Variants in SDK2 observed in about 807,000 individuals in gnomAD.
The protein encoded by SDK2 is sidekick cell adhesion molecule 2, also known as protein sidekick-2.
SDK2 carries 105 observed loss-of-function variants against 253.9 expected under a neutral mutation model. The observed-to-expected ratio is 0.41, with a 90% CI of 0.35 to 0.49. The LOEUF (loss-of-function observed/expected upper bound fraction) is 0.49. Ranked by LOEUF, SDK2 falls within the 20% of genes least tolerant of loss-of-function variation. SDK2 has a pLI of 0.06. For synonymous variants in SDK2, 1,249 were observed against 1,234.9 expected, an observed-to-expected ratio of 1.01 and a Z score of -0.24; for missense variants, 2,608 against 3,003.0, an observed-to-expected ratio of 0.87 and a Z score of 3.07.
intron 2 of SDK2, among the ~76,000 whole-genome samples, chr17:73,501,577 T>G (rs1480348956): frequency 6.6e-6 from 1 of 152,180 alleles, no homozygotes; most frequent in Non-Finnish European, 1.5e-5. Context: ...CAAGGCTGGT[T>G]TCGAAATGGA....
intron 1 of SDK2, among the ~76,000 whole-genome samples, chr17:73,636,814 T>TG (rs1237954475): frequency 6.6e-5 from 10 of 151,942 alleles, no homozygotes; most frequent in Admixed American, 5.9e-4. Context: ...TAAGGCCATT[T>TG]GGAGGGGCAA....
At chr17:73,357,086 T>C (rs1188662835) in intron 40 of SDK2, among the ~76,000 whole-genome samples, 1 of 152,166 alleles carries the variant, frequency 6.6e-6, no homozygotes, top group African/African-American at 2.4e-5. Context: ...CCCGCATGCA[T>C]CCTCCGGCCA....
rs139533233 is a variant in SDK2, at chr17:73,610,578, T to C, written c.64+33447A>G. Among the ~76,000 whole-genome samples, 716 of 152,242 alleles carry C rather than the reference T, an allele frequency of 4.7e-3. 17 individuals carry two copies. Among genetic ancestry groups the C allele is most frequent in the East Asian group, 0.011 (59 of 5,174 alleles). The stretch of plus-strand genomic sequence containing the variant: ...AAGACGGCCAGGAGAGCCCATGGCA[T>C]TGCTAATTTCCCCCACAGTAGCCAC... On this transcript the variant is annotated intron_variant, in intron 1 of 44. Transcript: ENST00000392650.
rs190072344 is a variant in SDK2, at chr17:73,453,489, T to C, written c.479+2417A>G. On this transcript the variant is annotated intron_variant, in intron 4 of 44. Transcript: ENST00000392650. ...GCCTCCCAGGTTCAAGCGATTCTCC[T>C]GTCTCAGCCTCCTGAGCAGCTGGGA... Among the ~76,000 whole-genome samples the C allele has an allele frequency of 2.0e-5, 3 of 151,654 alleles. No individual in the cohort carries two copies. In the East Asian group the frequency reaches 5.9e-4, roughly 30 times the overall value.
intron 1 of SDK2, among the ~76,000 whole-genome samples, chr17:73,564,006 C>A (rs183909591): frequency 6.6e-6 from 1 of 152,274 alleles, no homozygotes; most frequent in African/African-American, 2.4e-5. Flanking sequence ...AGCGATCCAC[C>A]CACCTTGTTT....
chr17:73,388,136 G>T, intron 29 of SDK2, 99 bp from the exon 30 acceptor site: 1 of 824,276 alleles, frequency 1.2e-6, no homozygotes, highest in Non-Finnish European at 1.9e-6. Flanking sequence ...TCTGGGCTCA[G>T]GCCTGGCATC....
chr17:73,349,166 C>T (rs1344090205), intron 43 of SDK2, among the ~76,000 whole-genome samples: 3 of 152,106 alleles, frequency 2.0e-5, no homozygotes, highest in Non-Finnish European at 2.9e-5. Context: ...AGTAGGGCCC[C>T]GGAGCCAGCC....
At chr17:73,470,553 C>G (rs2063642508) in intron 3 of SDK2, among the ~76,000 whole-genome samples, 1 of 152,222 alleles carries the variant, frequency 6.6e-6, no homozygotes, top group South Asian at 2.1e-4. Flanking sequence ...TGACAGCTGC[C>G]TGAGATCCAT....
At chr17:73,343,262 C>T (rs955982049) in intron 44 of SDK2, among the ~76,000 whole-genome samples, 3 of 152,262 alleles carry the variant, frequency 2.0e-5, no homozygotes, top group Non-Finnish European at 4.4e-5. Flanking sequence ...GGGAGCCAAA[C>T]AGAGCCCGCG....
At chr17:73,424,413 A>C (rs7214999) in intron 12 of SDK2, among the ~76,000 whole-genome samples, 4,324 of 152,248 alleles carry the variant, frequency 0.028, 204 homozygotes, top group African/African-American at 0.098. Context: ...CAGCCAGTGA[A>C]AGGTATTCTT....
chr17:73,463,189 C>T (rs950187898), intron 3 of SDK2, among the ~76,000 whole-genome samples: 6 of 152,172 alleles, frequency 3.9e-5, no homozygotes, highest in Admixed American at 1.3e-4. Context: ...GCTAATACGC[C>T]GTGTTATGCC....
In SDK2 at chr17:73,435,028, C is replaced by T. The variant is rs11654803; in HGVS notation, c.1195+422G>A. The stretch of plus-strand genomic sequence containing the variant: ...GACTCCAAGGGCAGAAAGGGATTTG[C>T]GAGCAGGAGAACTAAGAGAAAAACA... On this transcript the variant is annotated intron_variant, in intron 9 of 44. Transcript: ENST00000392650. This position sits in a 1 kb window ranked among gnomAD's most constrained non-coding sequence, Gnocchi z 5.7. Among the ~76,000 whole-genome samples the T allele has an allele frequency of 0.27, 40,711 of 151,992 alleles. 5,821 individuals carry two copies. The highest frequency in any genetic ancestry group is 0.31 in the Non-Finnish European group (20,741 of 67,958).
intron 2 of SDK2, among the ~76,000 whole-genome samples, chr17:73,479,453 C>T (rs1372973931): frequency 6.6e-6 from 1 of 152,128 alleles, no homozygotes; most frequent in Non-Finnish European, 1.5e-5. Context: ...TGGTGGCCGG[C>T]TAGAAAAAGA....
Position 73,356,604 on chromosome 17 carries a change from G to A in SDK2, c.5593+1475C>T, listed in dbSNP as rs1319716207. On this transcript the variant is annotated intron_variant, in intron 40 of 44. Transcript: ENST00000392650. Reference sequence around the variant, plus strand: ...AGGGGAGCACAGAAGAAGGGGCAGGGGGCATGGAGGGGAGAGATGCTCACC... The same window carrying A: ...AGGGGAGCACAGAAGAAGGGGCAGGAGGCATGGAGGGGAGAGATGCTCACC... 2.6e-5 allele frequency among the ~76,000 whole-genome samples: 4 copies of A among 152,280 alleles called. No homozygotes were observed. The South Asian group carries it at 6.2e-4, about 24-fold the overall frequency.
intron 1 of SDK2, among the ~76,000 whole-genome samples, chr17:73,619,429 G>T (rs1249486082): frequency 6.6e-6 from 1 of 152,170 alleles, no homozygotes; most frequent in Non-Finnish European, 1.5e-5. Context: ...AGAACAGAGA[G>T]TCTATATGCA....
chr17:73,448,566 T>G (rs62073334), intron 4 of SDK2, among the ~76,000 whole-genome samples: 2,114 of 152,072 alleles, frequency 0.014, 30 homozygotes, highest in Non-Finnish European at 0.019. Context: ...GGGTTTCACT[T>G]TGTTAGCCAG....
rs1396638763 is a variant in SDK2, at chr17:73,467,018, G to T, written c.331+5094C>A. On this transcript the variant is annotated intron_variant, in intron 3 of 44. Transcript: ENST00000392650. The surrounding 1 kb of genome is among the most constrained non-coding windows in gnomAD (Gnocchi z 4.1). ...CAAGGGCCATGCCTGGCACACGGAA[G>T]AACCCTGGAGCTCTGTGTAGGTACT... is the stretch of plus-strand genomic sequence containing the variant. Among the ~76,000 whole-genome samples, 1 of 152,104 alleles carries T rather than the reference G, an allele frequency of 6.6e-6. No homozygotes were observed. The highest frequency in any genetic ancestry group is 1.5e-5 in the Non-Finnish European group (1 of 68,028).
chr17:73,401,875 C>T (rs1246758631), intron 19 of SDK2, 71 bp downstream of exon 19: 4 of 1,410,252 alleles, frequency 2.8e-6, no homozygotes, highest in Non-Finnish European at 3.9e-6. Flanking sequence ...CTGGGCCACC[C>T]TTCTGCCTGG....
chr17:73,551,392 A>T (rs1446310859), intron 1 of SDK2, among the ~76,000 whole-genome samples: 1 of 152,104 alleles, frequency 6.6e-6, no homozygotes, highest in African/African-American at 2.4e-5. Context: ...GACATATAAC[A>T]TGTTGCCGGG....
Sources: gnomAD v4.1 joint callset for allele counts (sites outside exome capture counted in the v4.1 genomes callset) on GRCh38, gnomAD v4.1.1 for gene constraint, Gnocchi (gnomAD v3.1) non-coding constraint, MANE v1.5 for transcripts, NCBI Gene and HGNC (gene_info 2026-07-23, HGNC 2026-07-21) for gene names.